Variants in TSPAN5 observed in about 807,000 individuals in gnomAD.
TSPAN5 encodes tetraspanin 5.
Under a neutral mutation model 37.1 loss-of-function variants are expected in TSPAN5, and 10 were observed. The ratio of observed to expected loss-of-function variants is 0.27; its 90% CI spans 0.17 to 0.46. TSPAN5 has a LOEUF of 0.46. Among genes scored for constraint, TSPAN5 ranks in the 20% least tolerant of loss-of-function variants. TSPAN5 has a pLI of 1.00. For missense variants in TSPAN5, 195 were observed against 326.6 expected (o/e 0.60, Z 3.11); for synonymous variants, 110 against 118.9 (o/e 0.93, Z 0.48).
At chr4:98,645,317 G>A (rs917730124) in intron 1 of TSPAN5, among the ~76,000 whole-genome samples, 17 of 152,180 alleles carry the variant, frequency 1.1e-4, no homozygotes, top group African/African-American at 4.1e-4. Context: ...CATTTGAATA[G>A]TGATACTTTT....
chr4:98,557,826 C>T (rs1754787020), intron 1 of TSPAN5, among the ~76,000 whole-genome samples: 1 of 152,152 alleles, frequency 6.6e-6, no homozygotes, highest in Admixed American at 6.5e-5. Context: ...TGGGTCTTCC[C>T]CTAGTCTAAT....
In TSPAN5 at chr4:98,624,941, C is replaced by T. The variant is rs542915102; in HGVS notation, c.81+33205G>A. On this transcript the variant is annotated intron_variant, in intron 1 of 7. Coordinates refer to ENST00000305798, the MANE Select transcript of TSPAN5 (RefSeq NM_005723.4). ...TCCTATACAGAGAGGCATTAATGAA[C>T]GTATTTTTAGACACAACCAATCCCA... Among the ~76,000 whole-genome samples, 41 of 152,200 alleles carry T rather than the reference C, an allele frequency of 2.7e-4. 1 individual carries two copies. The highest frequency in any genetic ancestry group is 9.4e-4 in the African/African-American group (39 of 41,526).
intron 1 of TSPAN5, among the ~76,000 whole-genome samples, chr4:98,620,871 C>T (rs1007110084): frequency 1.3e-5 from 2 of 152,302 alleles, no homozygotes; most frequent in South Asian, 4.1e-4. Flanking sequence ...TGTCTATATA[C>T]ATTTTTTTAA....
chr4:98,562,272 A>G (rs1754896935), intron 1 of TSPAN5, among the ~76,000 whole-genome samples: 1 of 152,222 alleles, frequency 6.6e-6, no homozygotes, highest in Non-Finnish European at 1.5e-5. Flanking sequence ...TGATACCTGG[A>G]CAGGAAAAGC....
intron 1 of TSPAN5, among the ~76,000 whole-genome samples, chr4:98,578,667 A>G (rs965813096): frequency 7.2e-5 from 11 of 152,060 alleles, no homozygotes; most frequent in African/African-American, 2.7e-4. Context: ...TGATCTGCCC[A>G]CCTCGGCCTC....
At chr4:98,519,992 G>A (rs2110115797) in intron 1 of TSPAN5, among the ~76,000 whole-genome samples, 1 of 152,328 alleles carries the variant, frequency 6.6e-6, no homozygotes, top group Middle Eastern at 3.4e-3. Flanking sequence ...CTTAAAGTGT[G>A]TGGCACATGA....
intron 1 of TSPAN5, among the ~76,000 whole-genome samples, chr4:98,518,765 G>A (rs1021932817): frequency 1.5e-4 from 23 of 152,202 alleles, no homozygotes; most frequent in Non-Finnish European, 2.9e-4. Flanking sequence ...GAGGCAGCTC[G>A]AGACCTACTA....
At chr4:98,567,259 G>A (rs540647060) in intron 1 of TSPAN5, among the ~76,000 whole-genome samples, 1 of 152,238 alleles carries the variant, frequency 6.6e-6, no homozygotes, top group Non-Finnish European at 1.5e-5. Context: ...CTTCCAAATT[G>A]TGGGTAGCCT....
Position 98,577,005 on chromosome 4 carries a change from C to T in TSPAN5, c.82-69277G>A, listed in dbSNP as rs556213633. Among the ~76,000 whole-genome samples the T allele has an allele frequency of 2.0e-4, 30 of 152,270 alleles. 1 individual carries two copies. Among genetic ancestry groups the T allele is most frequent in the Non-Finnish European group, 1.5e-5 (1 of 68,024 alleles). ...TGAACTCCTGACCTCAGGTGATCTGCCCACCTCGGCCTCCCAAAGTGCTGG... is the reference window on the plus strand; with the variant it reads ...TGAACTCCTGACCTCAGGTGATCTGTCCACCTCGGCCTCCCAAAGTGCTGG... On this transcript the variant is annotated intron_variant, in intron 1 of 7. Coordinates refer to ENST00000305798, the MANE Select transcript of TSPAN5 (RefSeq NM_005723.4).
intron 1 of TSPAN5, among the ~76,000 whole-genome samples, chr4:98,621,229 T>C (rs1756472580): frequency 2.0e-5 from 3 of 151,942 alleles, no homozygotes; most frequent in South Asian, 2.1e-4. Flanking sequence ...CCTACAACCA[T>C]CAGTAGAAAC....
chr4:98,512,754 C>G (rs986074861), intron 1 of TSPAN5, among the ~76,000 whole-genome samples: 1 of 152,186 alleles, frequency 6.6e-6, no homozygotes, highest in East Asian at 1.9e-4. Context: ...GGCCATTCAT[C>G]CATTCATTTA....
chr4:98,539,784 T>G (rs1384506123), intron 1 of TSPAN5, among the ~76,000 whole-genome samples: 1 of 151,588 alleles, frequency 6.6e-6, no homozygotes. Context: ...GTTGGTTGTG[T>G]GACCAACAGA....
In TSPAN5 at chr4:98,470,677, A is replaced by G. The variant is rs1429605406; in HGVS notation, c.*1845T>C. ...CAGAGATGAAGTAAGACAACCTTAC[A>G]GTCGGAGTAAGATGTGAATACCTCT... On this transcript the variant is annotated 3_prime_UTR_variant, in exon 8 of 8. Transcript: ENST00000305798. The G allele has an allele frequency of 1.3e-5, 2 of 152,264 alleles. No individual in the cohort carries two copies. Among genetic ancestry groups the G allele is most frequent in the African/African-American group, 4.8e-5 (2 of 41,468 alleles). 9.4% of individuals were successfully genotyped at this position (152,264 alleles called of 1,614,324 possible).
chr4:98,605,294 T>C (rs1000414882), intron 1 of TSPAN5, among the ~76,000 whole-genome samples: 2 of 152,168 alleles, frequency 1.3e-5, no homozygotes, highest in African/African-American at 2.4e-5. Flanking sequence ...AATGTGCCAA[T>C]TATCAACCAA....
chr4:98,585,747 A>C (rs1210024669), intron 1 of TSPAN5, among the ~76,000 whole-genome samples: 1 of 152,196 alleles, frequency 6.6e-6, no homozygotes, highest in Non-Finnish European at 1.5e-5. Flanking sequence ...TGATGCTGCA[A>C]GATGTGTTAA....
intron 1 of TSPAN5, among the ~76,000 whole-genome samples, chr4:98,551,856 T>G (rs892023013): frequency 1.3e-5 from 2 of 152,086 alleles, no homozygotes; most frequent in African/African-American, 4.8e-5. Context: ...GGGCTTTTTT[T>G]GTTGAGAGAT....
chr4:98,582,984 T>C (rs1755403146), intron 1 of TSPAN5, among the ~76,000 whole-genome samples: 1 of 152,152 alleles, frequency 6.6e-6, no homozygotes, highest in Non-Finnish European at 1.5e-5. Flanking sequence ...ATAAAAGCAC[T>C]GGAGGGAGGG....
At chr4:98,563,809 G>A (rs191293368) in intron 1 of TSPAN5, among the ~76,000 whole-genome samples, 2 of 152,298 alleles carry the variant, frequency 1.3e-5, no homozygotes, top group African/African-American at 4.8e-5. Flanking sequence ...GAGGACATTC[G>A]ATAACATCTG....
chr4:98,622,812 G>A (rs975194744), intron 1 of TSPAN5, among the ~76,000 whole-genome samples: 1 of 152,110 alleles, frequency 6.6e-6, no homozygotes, highest in East Asian at 1.9e-4. Flanking sequence ...TAGAAAAGAG[G>A]GGCTTCTGAA....
Sources: gnomAD v4.1 joint callset for allele counts (sites outside exome capture counted in the v4.1 genomes callset) on GRCh38, gnomAD v4.1.1 for gene constraint, MANE v1.5 for transcripts, NCBI Gene and HGNC (gene_info 2026-07-23, HGNC 2026-07-21) for gene names.